UNC13C: variants seen among roughly 807,000 people sequenced by gnomAD.
The protein encoded by UNC13C is unc-13 homolog C, also known as protein unc-13 homolog C.
A neutral mutation model predicts 245.4 loss-of-function variants in UNC13C; 174 were observed. The observed-to-expected ratio is 0.71, with a 90% CI of 0.63 to 0.80. The LOEUF is 0.80. UNC13C is among the 30% of genes least tolerant of loss of function. UNC13C has a pLI of 0.00. For synonymous variants in UNC13C, 992 were observed against 895.1 expected (o/e 1.11, Z -1.93); for missense variants, 2,829 against 2,602.9 (o/e 1.09, Z -1.89).
rs915517393 is a variant in UNC13C, at chr15:54,203,492, A to G, written c.3072-31538A>G. Reference sequence around the variant, plus strand: ...TGTGTATATGTGTGTGTGTATATATATATATATATATACACACACACACAC... The same window carrying G: ...TGTGTATATGTGTGTGTGTATATATGTATATATATATACACACACACACAC... On this transcript the variant is annotated intron_variant, in intron 4 of 32. Coordinates refer to ENST00000260323, the MANE Select transcript of UNC13C (RefSeq NM_001080534.3). Among the ~76,000 whole-genome samples the G allele has an allele frequency of 2.5e-4, 30 of 118,274 alleles. No homozygotes were observed. In the South Asian group the frequency reaches 2.7e-3, roughly 11 times the overall value. 77.6% of individuals were successfully genotyped at this position (118,274 alleles called of 152,430 possible). A position where few individuals can be genotyped will look rare whatever the true frequency, so the allele number is the denominator to read the frequency against.
At chr15:53,895,023 G>C in the UNC13C span, among the ~76,000 whole-genome samples, 2 of 151,698 alleles carry the variant, frequency 1.3e-5, no homozygotes, top group African/African-American at 4.9e-5. Context: ...CTAGTGATCA[G>C]TTTCCATGAA....
intron 19 of UNC13C, among the ~76,000 whole-genome samples, chr15:54,457,113 A>G (rs1009980046): frequency 1.3e-5 from 2 of 151,920 alleles, no homozygotes; most frequent in Admixed American, 6.6e-5. Flanking sequence ...ATCAAATTCT[A>G]TTTCTGTGTC....
At chr15:54,117,436 T>G (rs2030331033) in intron 2 of UNC13C, among the ~76,000 whole-genome samples, 1 of 152,172 alleles carries the variant, frequency 6.6e-6, no homozygotes, top group African/African-American at 2.4e-5. Context: ...TTATCCATTT[T>G]GATATGATTG....
At chr15:54,527,652 G>A (rs1895537530) in intron 25 of UNC13C, among the ~76,000 whole-genome samples, 1 of 152,138 alleles carries the variant, frequency 6.6e-6, no homozygotes. Context: ...TCCTTAGGAG[G>A]ACACTTGAAG....
the UNC13C span, among the ~76,000 whole-genome samples, chr15:53,841,290 C>G: frequency 1.3e-5 from 2 of 152,132 alleles, no homozygotes; most frequent in African/African-American, 4.8e-5. Context: ...ACTCCAGAGT[C>G]TCTGCTTTCC....
At chr15:54,122,061 T>C (rs564814342) in intron 2 of UNC13C, among the ~76,000 whole-genome samples, 63 of 152,172 alleles carry the variant, frequency 4.1e-4, no homozygotes, top group African/African-American at 1.3e-3. Flanking sequence ...CTTTTTAATG[T>C]AGCCAGTAAT....
At chr15:54,055,205 A>C (rs916496747) in intron 2 of UNC13C, among the ~76,000 whole-genome samples, 2 of 152,176 alleles carry the variant, frequency 1.3e-5, no homozygotes, top group Admixed American at 1.3e-4. Context: ...AATCAGTTAC[A>C]ATAACTCATT....
At chr15:54,503,655 A>T (rs1894333365) in intron 22 of UNC13C, among the ~76,000 whole-genome samples, 1 of 152,130 alleles carries the variant, frequency 6.6e-6, no homozygotes, top group Non-Finnish European at 1.5e-5. Flanking sequence ...GCTGGTCCCA[A>T]ACTCATTATC....
intron 17 of UNC13C, among the ~76,000 whole-genome samples, chr15:54,361,991 C>G (rs369037335): frequency 1.2e-4 from 16 of 135,154 alleles, no homozygotes; most frequent in African/African-American, 4.3e-4. Flanking sequence ...AAGAAAGATT[C>G]ACATGAACAT....
chr15:54,591,514 A>T (rs1261911468), intron 30 of UNC13C, among the ~76,000 whole-genome samples: 2 of 152,100 alleles, frequency 1.3e-5, no homozygotes, highest in African/African-American at 4.8e-5. Flanking sequence ...GATTTAGGCT[A>T]GGAGGGTTGT....
rs2040616733 is a variant in UNC13C, at chr15:54,420,475, T to G, written c.4933+5408T>G. ...AGTCACTTCTACAATATCTCGTTGG[T>G]CGCACAGTTCAGCTTGTTCAGTGTG... On this transcript the variant is annotated intron_variant, in intron 19 of 32. Transcript: ENST00000260323. 2.6e-5 allele frequency among the ~76,000 whole-genome samples: 4 copies of G among 151,920 alleles called. No homozygotes were observed. The East Asian group carries it at 7.8e-4, about 30-fold the overall frequency.
At chr15:54,425,643 A>G (rs990448418) in intron 19 of UNC13C, among the ~76,000 whole-genome samples, 5 of 151,822 alleles carry the variant, frequency 3.3e-5, no homozygotes, top group Admixed American at 6.6e-5. Flanking sequence ...ACTGCGTTCT[A>G]TGGAACACTA....
At chr15:54,389,862 G>A (rs573307279) in intron 17 of UNC13C, among the ~76,000 whole-genome samples, 8 of 152,146 alleles carry the variant, frequency 5.3e-5, no homozygotes, top group Admixed American at 1.3e-4. Flanking sequence ...CCAAGTAGCC[G>A]GGACTACAGG....
intron 30 of UNC13C, among the ~76,000 whole-genome samples, chr15:54,616,907 A>C (rs553019024): frequency 1.3e-4 from 19 of 151,944 alleles, no homozygotes; most frequent in South Asian, 2.1e-4. Flanking sequence ...TCTTGTTTTT[A>C]TGTTTTATAC....
intron 4 of UNC13C, among the ~76,000 whole-genome samples, chr15:54,166,578 G>T (rs2141275718): frequency 6.6e-6 from 1 of 152,174 alleles, no homozygotes; most frequent in African/African-American, 2.4e-5. Flanking sequence ...GTCTTTATTT[G>T]CAGACAGAAT....
intron 1 of UNC13C, among the ~76,000 whole-genome samples, chr15:53,992,889 T>G (rs893123596): frequency 6.6e-6 from 1 of 152,068 alleles, no homozygotes; most frequent in Non-Finnish European, 1.5e-5. Flanking sequence ...ATGAATCACT[T>G]CTTCCCCTGA....
intron 4 of UNC13C, among the ~76,000 whole-genome samples, chr15:54,173,794 T>C (rs1230527512): frequency 6.6e-6 from 1 of 152,164 alleles, no homozygotes; most frequent in Admixed American, 6.5e-5. Context: ...GTTCTTAATT[T>C]TAAGCAGAAG....
At chr15:54,304,215 C>T (rs1216242437) in intron 13 of UNC13C, among the ~76,000 whole-genome samples, 3 of 151,894 alleles carry the variant, frequency 2.0e-5, no homozygotes, top group Admixed American at 6.6e-5. Context: ...AAAACAGAAA[C>T]TCGGAATTTG....
intron 14 of UNC13C, among the ~76,000 whole-genome samples, chr15:54,330,467 T>C (rs2038409793): frequency 6.6e-6 from 1 of 151,958 alleles, no homozygotes. Context: ...CCACCACCAT[T>C]TGCCCCAGTG....
Sources: allele counts gnomAD v4.1 joint callset (sites outside exome capture counted in the v4.1 genomes callset), GRCh38; gene constraint gnomAD v4.1.1; transcripts MANE v1.5; gene names NCBI Gene and HGNC (gene_info 2026-07-23, HGNC 2026-07-21).